PTPRN2: variants seen among roughly 807,000 people sequenced by gnomAD.
PTPRN2 encodes the protein protein tyrosine phosphatase receptor type N2.
A neutral mutation model predicts 118.8 loss-of-function variants in PTPRN2; 74 were observed. That is an observed-to-expected ratio of 0.62 (90% CI 0.52 to 0.76). PTPRN2 has a LOEUF of 0.76. Ranked by LOEUF, PTPRN2 falls within the 30% of genes least tolerant of loss-of-function variation. The probability of loss-of-function intolerance (pLI) is 0.00; values close to 1 mark genes in which losing one functional copy is unlikely to be tolerated. For synonymous variants in PTPRN2, 641 were observed against 608.0 expected (o/e 1.05, Z -0.80); for missense variants, 1,481 against 1,394.4 (o/e 1.06, Z -0.99).
chr7:158,121,596 G>T (rs993568467), intron 9 of PTPRN2, among the ~76,000 whole-genome samples: 2 of 152,176 alleles, frequency 1.3e-5, no homozygotes, highest in Non-Finnish European at 2.9e-5. Context: ...TGAGGACATG[G>T]GAGGGGCTCC....
intron 10 of PTPRN2, among the ~76,000 whole-genome samples, chr7:158,108,031 A>C (rs768083525): frequency 1.2e-4 from 17 of 145,548 alleles, no homozygotes; most frequent in Non-Finnish European, 2.3e-4. Flanking sequence ...CCTGCCCCCC[A>C]AAAAACATCT....
At chr7:158,054,355 A>G (rs921493815) in intron 11 of PTPRN2, among the ~76,000 whole-genome samples, 1 of 152,096 alleles carries the variant, frequency 6.6e-6, no homozygotes, top group Non-Finnish European at 1.5e-5. Context: ...GGGACAGGAC[A>G]CTCCTCAGGA....
chr7:157,790,184 GGT>G (rs113638178), intron 12 of PTPRN2, among the ~76,000 whole-genome samples: 64 of 143,384 alleles, frequency 4.5e-4, no homozygotes, highest in South Asian at 1.1e-3. Flanking sequence ...TGTGTATGGT[GGT>G]GTGTGTGTGT....
intron 12 of PTPRN2, among the ~76,000 whole-genome samples, chr7:157,683,226 G>A (rs1267135765): frequency 6.6e-6 from 1 of 152,214 alleles, no homozygotes; most frequent in Admixed American, 6.5e-5. Flanking sequence ...GTATTTGGCA[G>A]CTAATTTGCT....
At chr7:158,204,320 G>A (rs1015204911) in intron 4 of PTPRN2, among the ~76,000 whole-genome samples, 3 of 152,238 alleles carry the variant, frequency 2.0e-5, no homozygotes, top group Non-Finnish European at 4.4e-5. Context: ...CAGTGTGTGC[G>A]GCGTGCTGGG....
intron 3 of PTPRN2, among the ~76,000 whole-genome samples, chr7:158,273,462 AG>A (rs1415063752): frequency 7.8e-6 from 1 of 128,712 alleles, no homozygotes; most frequent in African/African-American, 3.8e-5. Context: ...CCGCAGACGC[AG>A]GGGGAGCCGC....
intron 12 of PTPRN2, among the ~76,000 whole-genome samples, chr7:157,685,895 C>T (rs1247209860): frequency 6.6e-6 from 1 of 152,124 alleles, no homozygotes. Context: ...TGCCTAGGCC[C>T]GCGCTGTCCC....
chr7:157,932,668 T>A lies in PTPRN2; in HGVS notation c.1724-33931A>T, dbSNP rs547197173. 4.0e-5 allele frequency among the ~76,000 whole-genome samples: 6 copies of A among 151,388 alleles called. No individual in the cohort carries two copies. In the South Asian group the frequency reaches 1.3e-3, roughly 34 times the overall value. On this transcript the variant is annotated intron_variant, in intron 11 of 22. Transcript: ENST00000389418. The stretch of plus-strand genomic sequence containing the variant: ...AGTTTGAGAGTGGGGTGAGTCACTC[T>A]GATTGACATCTTTAGAGGAGGAGTG...
chr7:158,410,438 T>C (rs1563258917), intron 2 of PTPRN2, among the ~76,000 whole-genome samples: 1 of 151,672 alleles, frequency 6.6e-6, no homozygotes, highest in Non-Finnish European at 1.5e-5. Flanking sequence ...AGTGACAGAG[T>C]AGACACCTGT....
chr7:158,450,389 A>G (rs1586703653), intron 2 of PTPRN2, among the ~76,000 whole-genome samples: 1 of 152,372 alleles, frequency 6.6e-6, no homozygotes, highest in South Asian at 2.1e-4. Flanking sequence ...GTGAAACACA[A>G]CTGAGATTCA....
Position 158,269,769 on chromosome 7 carries a change from C to G in PTPRN2, c.277+47050G>C, listed in dbSNP as rs1798170469. ...ACAGAGAGAGACAGAGACAGAGGAA[C>G]AGAGACAGAGAGAGAGACAAAGGGA... On this transcript the variant is annotated intron_variant, in intron 3 of 22. Transcript: ENST00000389418. 2.0e-5 allele frequency among the ~76,000 whole-genome samples: 3 copies of G among 150,854 alleles called. No individual in the cohort carries two copies. The East Asian group carries it at 5.9e-4, about 30-fold the overall frequency.
chr7:158,149,726 C>T (rs1418928937), intron 6 of PTPRN2, among the ~76,000 whole-genome samples: 1 of 151,106 alleles, frequency 6.6e-6, no homozygotes, highest in East Asian at 1.9e-4. Flanking sequence ...ATTGCTTGAA[C>T]ATGGGAGACG....
chr7:157,772,276 T>TACAGACACACAAAC (rs1802904102), intron 12 of PTPRN2, among the ~76,000 whole-genome samples: 1 of 100,958 alleles, frequency 9.9e-6, no homozygotes, highest in Non-Finnish European at 2.2e-5. Context: ...CATACAGACA[T>TACAGACACACAAAC]ACACAGACAC....
rs1817052707 is a variant in PTPRN2, at chr7:158,441,060, GGGGTGGTAGTGA to G, written c.163+48663_163+48674del. On this transcript the variant is annotated intron_variant, in intron 2 of 22. Coordinates refer to ENST00000389418, the MANE Select transcript of PTPRN2 (RefSeq NM_002847.5). ...GGTAGTAGTGATGGTGGTAGTGATG[GGGGTGGTAGTGA>G]TGGTGGTGCTGGTGGTAGTGATAGG... is the stretch of plus-strand genomic sequence containing the variant. Among the ~76,000 whole-genome samples, 7 of 51,076 alleles carry G rather than the reference GGGGTGGTAGTGA, an allele frequency of 1.4e-4. No individual in the cohort carries two copies. In the South Asian group the frequency reaches 4.1e-3, roughly 30 times the overall value. 33.5% of individuals were successfully genotyped at this position (51,076 alleles called of 152,430 possible).
At chr7:158,086,433 C>T (rs1274133180) in intron 10 of PTPRN2, among the ~76,000 whole-genome samples, 1 of 152,212 alleles carries the variant, frequency 6.6e-6, no homozygotes, top group South Asian at 2.1e-4. Context: ...CTGGCCATTC[C>T]CCAGCTGCCA....
chr7:158,096,704 G>A (rs927088022), intron 10 of PTPRN2, among the ~76,000 whole-genome samples: 5 of 152,216 alleles, frequency 3.3e-5, no homozygotes, highest in African/African-American at 7.2e-5. Context: ...CCTGGGCTCC[G>A]TTTGGGAAGG....
At position 157,550,056 on chromosome 7, in the gene PTPRN2, C is replaced by T. The variant is rs1363287490; in HGVS notation, c.2903-1037G>A. On this transcript the variant is annotated intron_variant, in intron 21 of 22. Coordinates refer to ENST00000389418, the MANE Select transcript of PTPRN2 (RefSeq NM_002847.5). This position sits in a 1 kb window ranked among gnomAD's most constrained non-coding sequence, Gnocchi z 5.2. Reference sequence around the variant, plus strand: ...GGGCAGGACAGCGCTGGCCGAAGACCTGAGGAGGCCCGGGTGGCCCAGAGT... The same window carrying T: ...GGGCAGGACAGCGCTGGCCGAAGACTTGAGGAGGCCCGGGTGGCCCAGAGT... Among the ~76,000 whole-genome samples the T allele has an allele frequency of 1.3e-5, 2 of 152,252 alleles. No individual in the cohort carries two copies. Among genetic ancestry groups the T allele is most frequent in the African/African-American group, 4.8e-5 (2 of 41,462 alleles).
At chr7:158,011,772 C>G (rs1161005806) in intron 11 of PTPRN2, among the ~76,000 whole-genome samples, 1 of 152,088 alleles carries the variant, frequency 6.6e-6, no homozygotes, top group African/African-American at 2.4e-5. Flanking sequence ...CTCGGACCCA[C>G]AGAGAAAGTG....
At chr7:158,463,362 AC>A (rs1447702100) in intron 2 of PTPRN2, among the ~76,000 whole-genome samples, 1 of 151,734 alleles carries the variant, frequency 6.6e-6, no homozygotes, top group African/African-American at 2.4e-5. Flanking sequence ...CATCACCATC[AC>A]CATCAGCATC....
Sources: allele counts gnomAD v4.1 joint callset (sites outside exome capture counted in the v4.1 genomes callset), GRCh38; gene constraint gnomAD v4.1.1; non-coding constraint Gnocchi (gnomAD v3.1); transcripts MANE v1.5; gene names NCBI Gene and HGNC (gene_info 2026-07-23, HGNC 2026-07-21).